Variants in SNRPB observed in about 807,000 individuals in gnomAD.
SNRPB encodes small nuclear ribonucleoprotein-associated proteins B and B'.
Under a neutral mutation model 26.6 loss-of-function variants are expected in SNRPB, and 5 were observed. That is an observed-to-expected ratio of 0.19 (90% CI 0.10 to 0.39). The LOEUF is 0.39. Ranked by LOEUF, SNRPB falls within the 10% of genes least tolerant of loss-of-function variation. The pLI, the probability that SNRPB is intolerant of heterozygous loss-of-function variation, is 1.00. For synonymous variants in SNRPB, 122 were observed against 105.8 expected (o/e 1.15, Z -0.94); for missense variants, 211 against 311.9 (o/e 0.68, Z 2.44).
At chr20:2,470,164 GCAA>G (rs899461847) in intron 1 of SNRPB, among the ~76,000 whole-genome samples, 4 of 152,222 alleles carry the variant, frequency 2.6e-5, no homozygotes, top group African/African-American at 9.6e-5. Flanking sequence ...AACGTGATGA[GCAA>G]CTGAGTGGAG....
rs769498639 is a variant in SNRPB at position 2,463,242 on chromosome 20, G to C, written c.421-15C>G. On this transcript the variant is annotated splice_polypyrimidine_tract_variant and intron_variant, in intron 4 of 6. Coordinates refer to ENST00000381342, the MANE Select transcript of SNRPB (RefSeq NM_003091.4). This position sits in a 1 kb window ranked among gnomAD's most constrained non-coding sequence, Gnocchi z 5.0. ...GGGGTCATCACCTAAGAGGACATAA[G>C]AAGAAAGAGTTAGAAGAGTACAGTA... 6.2e-7 allele frequency: 1 copy of C among 1,604,674 alleles called. No individual in the cohort carries two copies. Among genetic ancestry groups the C allele is most frequent in the Admixed American group, 1.7e-5 (1 of 60,014 alleles).
chr20:2,463,073 C>T lies in SNRPB; in HGVS notation c.559+16G>A, dbSNP rs2085046807. 1.3e-6 allele frequency: 2 copies of T among 1,545,190 alleles called. No individual in the cohort carries two copies. Among genetic ancestry groups the T allele is most frequent in the Admixed American group, 2.1e-5 (1 of 47,726 alleles). ...TCTTCTATCAATTAGCACTGGTCTC[C>T]TTATGGGCTCCTCACCTGGAGGGGG... On this transcript the variant is annotated intron_variant, in intron 5 of 6. Transcript: ENST00000381342. The surrounding 1 kb of genome is among the most constrained non-coding windows in gnomAD (Gnocchi z 5.0).
chr20:2,466,068 G>A (rs986902738), intron 2 of SNRPB, among the ~76,000 whole-genome samples: 8 of 152,026 alleles, frequency 5.3e-5, no homozygotes, highest in East Asian at 1.9e-4. Context: ...AGCCCAGCCC[G>A]GGCCCAAATG....
chr20:2,467,385 C>G, intron 2 of SNRPB: 1 of 637,030 alleles, frequency 1.6e-6, no homozygotes, highest in South Asian at 1.6e-5. Flanking sequence ...AACAAAAAGC[C>G]TAGCAGCCCT....
At position 2,463,924 on chromosome 20, in the gene SNRPB, G is replaced by A; in HGVS notation, c.268-25C>T. The stretch of plus-strand genomic sequence containing the variant: ...TCTGAAAAATAAACAAATATGCTCT[G>A]ATGCCCAGTGATCTGAAGATCAGAA... On this transcript the variant is annotated intron_variant, in intron 3 of 6. Coordinates refer to ENST00000381342, the MANE Select transcript of SNRPB (RefSeq NM_003091.4). This position sits in a 1 kb window ranked among gnomAD's most constrained non-coding sequence, Gnocchi z 5.0. The A allele has an allele frequency of 6.3e-7, 1 of 1,599,056 alleles. No homozygotes were observed. Among genetic ancestry groups the A allele is most frequent in the Non-Finnish European group, 8.6e-7 (1 of 1,167,700 alleles).
chr20:2,470,573 C>A, intron 1 of SNRPB, 115 bp downstream of exon 1: 1 of 1,333,764 alleles, frequency 7.5e-7, no homozygotes. Context: ...GGCCTCGGCC[C>A]AGGCCTTCAC....
chr20:2,467,601 C>A lies in SNRPB; in HGVS notation c.155+6G>T, dbSNP rs1404141617. On this transcript the variant is annotated splice_donor_region_variant and intron_variant, in intron 2 of 6. Transcript: ENST00000381342. ...CAGTCTCCGCCCCCCACAGTCCACTCCTCACTTGATCTTTCTGAACTCATC... is the reference window on the plus strand; with the variant it reads ...CAGTCTCCGCCCCCCACAGTCCACTACTCACTTGATCTTTCTGAACTCATC... 2 of 1,613,634 alleles carry A rather than the reference C, an allele frequency of 1.2e-6. No homozygotes were observed. Among genetic ancestry groups the A allele is most frequent in the East Asian group, 4.5e-5 (2 of 44,872 alleles).
At position 2,461,704 on chromosome 20, in the gene SNRPB, A is replaced by G; in HGVS notation, c.*225T>C. On this transcript the variant is annotated 3_prime_UTR_variant, in exon 7 of 7. Coordinates refer to ENST00000381342, the MANE Select transcript of SNRPB (RefSeq NM_003091.4). ...TAGGCCACAAGGAGATAAAAGGACT[A>G]TGTACAGCCTTACGGGAAACAGGCA... 2 of 1,325,048 alleles carry G rather than the reference A, an allele frequency of 1.5e-6. No homozygotes were observed. Among genetic ancestry groups the G allele is most frequent in the Non-Finnish European group, 1.0e-6 (1 of 953,410 alleles). 82.1% of individuals were successfully genotyped at this position (1,325,048 alleles called of 1,614,324 possible).
Position 2,465,803 on chromosome 20 carries a change from G to T in SNRPB, c.172C>A (p.Gln58Lys), listed in dbSNP as rs1230929534. 4 of 1,613,502 alleles carry T rather than the reference G, an allele frequency of 2.5e-6. No individual in the cohort carries two copies. Among genetic ancestry groups the T allele is most frequent in the African/African-American group, 1.3e-5 (1 of 74,740 alleles). Residue 58 changes from glutamine to lysine, a missense_variant, in exon 3 of 7, where the codon CAA becomes AAA. Transcript: ENST00000381342. Reference protein sequence around the residue: ...FRKIKPKNSKQAEREEKRVLG... With the variant: ...FRKIKPKNSKKAEREEKRVLG... ...ACTCGCTTCTCTTCCCTTTCTGCTT[G>T]TTTGGAGTTCTTTGGCCTAAAGAGA... is the stretch of plus-strand genomic sequence containing the variant.
rs778146640 is a variant in SNRPB at position 2,470,741 on chromosome 20, C to T, written c.-51G>A. 2.5e-6 allele frequency: 4 copies of T among 1,607,694 alleles called. No homozygotes were observed. Among genetic ancestry groups the T allele is most frequent in the Admixed American group, 3.3e-5 (2 of 59,866 alleles). On this transcript the variant is annotated 5_prime_UTR_variant, in exon 1 of 7. Coordinates refer to ENST00000381342, the MANE Select transcript of SNRPB (RefSeq NM_003091.4). ...CCCGCCGGATTCGCCTCCTCAGAGG[C>T]CTAGCCTCTCTCCCACAGCCGATTT...
intron 1 of SNRPB, among the ~76,000 whole-genome samples, chr20:2,469,489 C>A (rs564505710): frequency 8.7e-4 from 133 of 152,164 alleles, no homozygotes; most frequent in African/African-American, 2.8e-3. Flanking sequence ...GTCAGGAGTT[C>A]GAGACCAGTC....
intron 1 of SNRPB, 85 bp downstream of exon 1, chr20:2,470,603 C>G: frequency 6.3e-7 from 1 of 1,575,008 alleles, no homozygotes; most frequent in Non-Finnish European, 8.7e-7. Flanking sequence ...TGGCTCCAAC[C>G]CACGGCTTCC....
Position 2,470,785 on chromosome 20 carries a change from A to T in SNRPB, c.-95T>A, listed in dbSNP as rs1396803853. ...CCGATTTCCCGCCGCCGCTACCGGAAATGCAGCACCACGTAAAATGCGGTC... is the reference window on the plus strand; with the variant it reads ...CCGATTTCCCGCCGCCGCTACCGGATATGCAGCACCACGTAAAATGCGGTC... On this transcript the variant is annotated 5_prime_UTR_variant, in exon 1 of 7. Transcript: ENST00000381342. The T allele has an allele frequency of 1.4e-5, 20 of 1,476,876 alleles. No individual in the cohort carries two copies. The highest frequency in any genetic ancestry group is 1.8e-5 in the Non-Finnish European group (19 of 1,063,254). 91.5% of individuals were successfully genotyped at this position (1,476,876 alleles called of 1,614,324 possible).
At chr20:2,467,908 A>G in intron 1 of SNRPB, 150 bp from the exon 2 acceptor site, 1 of 690,856 alleles carries the variant, frequency 1.4e-6, no homozygotes, top group Non-Finnish European at 2.4e-6. Context: ...GCCTTTTCCT[A>G]GGAATTCTCC....
chr20:2,467,835 A>C, intron 1 of SNRPB, 77 bp from the exon 2 acceptor site: 1 of 1,393,680 alleles, frequency 7.2e-7, no homozygotes. Context: ...AAAACTTCCC[A>C]TGGCGTTCTT....
intron 2 of SNRPB, chr20:2,467,135 T>C (rs2085079577): frequency 2.8e-6 from 1 of 354,716 alleles, no homozygotes. Context: ...CAATTGTTTG[T>C]ATAAATGCCA....
At chr20:2,466,218 CACTT>C (rs956798380) in intron 2 of SNRPB, among the ~76,000 whole-genome samples, 4 of 152,204 alleles carry the variant, frequency 2.6e-5, no homozygotes, top group African/African-American at 9.7e-5. Context: ...CCACCCACCT[CACTT>C]ACGTGCAGTG....
intron 1 of SNRPB, among the ~76,000 whole-genome samples, chr20:2,470,164 G>A (rs1238852958): frequency 1.3e-5 from 2 of 152,222 alleles, no homozygotes; most frequent in Non-Finnish European, 2.9e-5. Flanking sequence ...AACGTGATGA[G>A]CAACTGAGTG....
chr20:2,470,577 C>T, intron 1 of SNRPB, 111 bp downstream of exon 1: 1 of 1,372,540 alleles, frequency 7.3e-7, no homozygotes, highest in Non-Finnish European at 1.0e-6. Context: ...TCGGCCCAGG[C>T]CTTCACCGCC....
Sources: allele counts gnomAD v4.1 joint callset (sites outside exome capture counted in the v4.1 genomes callset), GRCh38; gene constraint gnomAD v4.1.1; non-coding constraint Gnocchi (gnomAD v3.1); transcripts MANE v1.5; gene names NCBI Gene and HGNC (gene_info 2026-07-23, HGNC 2026-07-21).